Variants in UMAD1 observed in about 807,000 individuals in gnomAD.
The protein encoded by UMAD1 is UBAP1-MVB12-associated (UMA) domain containing 1.
UMAD1 carries 8 observed loss-of-function variants against 6.1 expected under a neutral mutation model. That is an observed-to-expected ratio of 1.30 (90% CI 0.76 to 2.35). The LOEUF (loss-of-function observed/expected upper bound fraction) is 2.35. Among genes scored for constraint, UMAD1 ranks in the 30% most tolerant of loss-of-function variants. UMAD1 has a pLI of 0.00. For synonymous variants in UMAD1, 56 were observed against 31.4 expected (o/e 1.78, Z -2.61); for missense variants, 130 against 78.4 (o/e 1.66, Z -2.49).
chr7:7,762,519 C>T (rs1781911091), intron 2 of UMAD1, among the ~76,000 whole-genome samples: 1 of 152,126 alleles, frequency 6.6e-6, no homozygotes, highest in African/African-American at 2.4e-5. Flanking sequence ...GATAACTTAA[C>T]ATTGATTGTG....
intron 3 of UMAD1, among the ~76,000 whole-genome samples, chr7:7,845,126 G>T (rs1399480741): frequency 2.0e-5 from 3 of 152,016 alleles, no homozygotes; most frequent in Non-Finnish European, 1.5e-5. Context: ...TGTAAAATAT[G>T]AACTGGATTT....
rs776102769 is a variant in UMAD1 at position 7,673,368 on chromosome 7, A to AGCAGCG, written c.-1_1insGCGGCA. The AGCAGCG allele has an allele frequency of 1.5e-4, 167 of 1,125,956 alleles. 2 individuals carry two copies. In the African/African-American group the frequency reaches 2.3e-3, roughly 16 times the overall value. The allele number at this position is 1,125,956 out of a possible 1,614,324, so 69.7% of individuals were successfully genotyped here. On this transcript the variant is annotated 5_prime_UTR_variant, in exon 2 of 4. Coordinates refer to ENST00000682710, the MANE Select transcript of UMAD1 (RefSeq NM_001302348.2). ...CAGCAGCAGCAGCAGCAGCAGCAGC[A>AGCAGCG]GCAATGTTTCACTTCTTCAGAAAGC...
intron 2 of UMAD1, among the ~76,000 whole-genome samples, chr7:7,695,980 C>CG (rs1043475579): frequency 1.5e-4 from 18 of 122,370 alleles, no homozygotes; most frequent in African/African-American, 6.4e-4. Flanking sequence ...TGTATATCTC[C>CG]GTTTTTTTTT....
At chr7:7,766,406 A>G (rs1781986080) in intron 2 of UMAD1, among the ~76,000 whole-genome samples, 1 of 152,210 alleles carries the variant, frequency 6.6e-6, no homozygotes, top group Non-Finnish European at 1.5e-5. Context: ...CTCCGTAGTG[A>G]ATAAAATAGG....
chr7:7,797,546 C>T (rs997256806), intron 2 of UMAD1, among the ~76,000 whole-genome samples: 1 of 152,158 alleles, frequency 6.6e-6, no homozygotes, highest in Non-Finnish European at 1.5e-5. Context: ...AAATTTCTGT[C>T]CTGTCCAATT....
chr7:7,822,350 C>T (rs969292567), intron 3 of UMAD1, among the ~76,000 whole-genome samples: 3 of 151,968 alleles, frequency 2.0e-5, no homozygotes, highest in African/African-American at 7.2e-5. Context: ...TCTAGTTTCT[C>T]TGAAAAGGTA....
At chr7:7,775,217 A>G (rs74656232) in intron 2 of UMAD1, among the ~76,000 whole-genome samples, 9,936 of 152,288 alleles carry the variant, frequency 0.065, 445 homozygotes, top group Non-Finnish European at 0.093. Context: ...GGTAGTTATT[A>G]GGGAAATGTA....
intron 3 of UMAD1, among the ~76,000 whole-genome samples, chr7:7,802,409 G>A (rs1484205662): frequency 3.3e-5 from 5 of 151,110 alleles, no homozygotes; most frequent in Admixed American, 6.6e-5. Flanking sequence ...TCAAAATCCC[G>A]TTGCCTTACT....
intron 3 of UMAD1, among the ~76,000 whole-genome samples, chr7:7,866,824 A>G (rs892338378): frequency 6.6e-6 from 1 of 152,184 alleles, no homozygotes; most frequent in African/African-American, 2.4e-5. Context: ...TGTGTTTTAT[A>G]TGCTACAAGT....
chr7:7,777,463 A>G (rs1782233936), intron 2 of UMAD1, among the ~76,000 whole-genome samples: 1 of 147,448 alleles, frequency 6.8e-6, no homozygotes, highest in African/African-American at 2.5e-5. Flanking sequence ...CTGAGATTGA[A>G]CCACCGCACT....
intron 2 of UMAD1, among the ~76,000 whole-genome samples, chr7:7,788,503 T>C (rs763885829): frequency 3.3e-5 from 5 of 152,226 alleles, no homozygotes; most frequent in African/African-American, 7.2e-5. Context: ...CCTTTCTATA[T>C]TTCTGATTTT....
At chr7:7,699,017 G>C (rs1780387485) in intron 2 of UMAD1, among the ~76,000 whole-genome samples, 1 of 147,390 alleles carries the variant, frequency 6.8e-6, no homozygotes, top group Admixed American at 6.8e-5. Context: ...ATCATGCCCA[G>C]TTAATTTTTA....
In UMAD1 at chr7:7,684,844, TG is replaced by T. The variant is rs1583733861; in HGVS notation, c.82+11396del. Reference sequence around the variant, plus strand: ...GCAGCCATGTTTTAATACAACTATTTGGGGGTAGTTGACTGTTTCACTATGG... The same window carrying T: ...GCAGCCATGTTTTAATACAACTATTTGGGGTAGTTGACTGTTTCACTATGG... On this transcript the variant is annotated intron_variant, in intron 2 of 3. Coordinates refer to ENST00000682710, the MANE Select transcript of UMAD1 (RefSeq NM_001302348.2). Among the ~76,000 whole-genome samples, 3 of 152,302 alleles carry T rather than the reference TG, an allele frequency of 2.0e-5. No individual in the cohort carries two copies. The South Asian group carries it at 6.2e-4, about 32-fold the overall frequency.
At chr7:7,709,018 A>G (rs1192440896) in intron 2 of UMAD1, among the ~76,000 whole-genome samples, 1 of 152,058 alleles carries the variant, frequency 6.6e-6, no homozygotes, top group Non-Finnish European at 1.5e-5. Flanking sequence ...AGGAGAAGAC[A>G]GAAGAGGAAA....
chr7:7,831,061 T>G (rs183156360), intron 3 of UMAD1, among the ~76,000 whole-genome samples: 7 of 152,302 alleles, frequency 4.6e-5, no homozygotes, highest in Admixed American at 3.3e-4. Context: ...AATGATATAC[T>G]TATGCATTTA....
At chr7:7,654,609 T>A (rs1785298431) in intron 1 of UMAD1, among the ~76,000 whole-genome samples, 1 of 152,146 alleles carries the variant, frequency 6.6e-6, no homozygotes, top group African/African-American at 2.4e-5. Flanking sequence ...AATAGTTATA[T>A]TTTAAAATTT....
chr7:7,795,366 A>G (rs1021022345), intron 2 of UMAD1, among the ~76,000 whole-genome samples: 26 of 152,162 alleles, frequency 1.7e-4, no homozygotes, highest in African/African-American at 6.3e-4. Context: ...TCTGTGGAGG[A>G]TCAGAGCAGA....
chr7:7,804,820 A>G (rs1782875891), intron 3 of UMAD1, among the ~76,000 whole-genome samples: 1 of 151,828 alleles, frequency 6.6e-6, no homozygotes. Flanking sequence ...TCTCTACTAA[A>G]AATACAAAAA....
chr7:7,838,765 T>C (rs1783620294), intron 3 of UMAD1, among the ~76,000 whole-genome samples: 1 of 152,142 alleles, frequency 6.6e-6, no homozygotes, highest in African/African-American at 2.4e-5. Context: ...GATATGAAAA[T>C]AGATTTAAAA....
Sources: allele counts gnomAD v4.1 joint callset (sites outside exome capture counted in the v4.1 genomes callset), GRCh38; gene constraint gnomAD v4.1.1; transcripts MANE v1.5; gene names NCBI Gene and HGNC (gene_info 2026-07-23, HGNC 2026-07-21).